INPP4B: variants seen among roughly 807,000 people sequenced by gnomAD.
INPP4B encodes the protein inositol polyphosphate-4-phosphatase type II B, also known as inositol polyphosphate 4-phosphatase type II.
A neutral mutation model predicts 122.5 loss-of-function variants in INPP4B; 55 were observed. The ratio of observed to expected loss-of-function variants is 0.45; its 90% confidence interval spans 0.36 to 0.56. The LOEUF (loss-of-function observed/expected upper bound fraction) is 0.56. Ranked by LOEUF, INPP4B falls within the 20% of genes least tolerant of loss-of-function variation. INPP4B has a pLI of 0.00. For synonymous variants in INPP4B, 403 were observed against 388.7 expected, an observed-to-expected ratio of 1.04 and a Z score of -0.43; for missense variants, 1,000 against 1,097.7, an observed-to-expected ratio of 0.91 and a Z score of 1.26.
chr4:142,784,087 G>T (rs1282103791), intron 1 of INPP4B, among the ~76,000 whole-genome samples: 2 of 152,138 alleles, frequency 1.3e-5, no homozygotes, highest in East Asian at 3.8e-4. Context: ...ATGTGGCCAG[G>T]CACAGTGGCT....
At chr4:142,434,325 T>A (rs1186158903) in intron 3 of INPP4B, among the ~76,000 whole-genome samples, 1 of 152,120 alleles carries the variant, frequency 6.6e-6, no homozygotes, top group Non-Finnish European at 1.5e-5. Context: ...CAGGGAGTGG[T>A]GCTCCTCTCT....
intron 15 of INPP4B, among the ~76,000 whole-genome samples, chr4:142,181,609 C>T (rs1342051721): frequency 2.6e-5 from 4 of 152,076 alleles, no homozygotes; most frequent in Non-Finnish European, 2.9e-5. Context: ...TCAACTTTAG[C>T]GATGCAGAAT....
At chr4:142,662,978 T>A (rs115458145) in intron 2 of INPP4B, among the ~76,000 whole-genome samples, 1,718 of 152,260 alleles carry the variant, frequency 0.011, 31 homozygotes, top group African/African-American at 0.031. Context: ...AACATTTAAT[T>A]AATATTAATA....
intron 7 of INPP4B, among the ~76,000 whole-genome samples, chr4:142,343,288 T>A (rs1290188729): frequency 2.6e-5 from 4 of 152,170 alleles, no homozygotes; most frequent in Non-Finnish European, 5.9e-5. Context: ...ATATTCTGAC[T>A]GGTAAATTAC....
At chr4:142,440,236 T>C (rs1490080688) in intron 3 of INPP4B, among the ~76,000 whole-genome samples, 1 of 152,104 alleles carries the variant, frequency 6.6e-6, no homozygotes, top group East Asian at 1.9e-4. Context: ...TAGGAGGAAA[T>C]CAAATGAATA....
At chr4:142,172,488 T>A (rs1367560329) in intron 16 of INPP4B, among the ~76,000 whole-genome samples, 1 of 151,964 alleles carries the variant, frequency 6.6e-6, no homozygotes, top group African/African-American at 2.4e-5. Flanking sequence ...GACAGAGGCA[T>A]GTGTTCTGGC....
intron 2 of INPP4B, among the ~76,000 whole-genome samples, chr4:142,499,921 G>GTAATACAA (rs1560727839): frequency 6.6e-6 from 1 of 151,956 alleles, no homozygotes; most frequent in East Asian, 1.9e-4. Context: ...CTATCACTCC[G>GTAATACAA]TAATACAACC....
chr4:142,166,859 G>A (rs1251518512), intron 16 of INPP4B, among the ~76,000 whole-genome samples: 1 of 151,918 alleles, frequency 6.6e-6, no homozygotes, highest in East Asian at 1.9e-4. Flanking sequence ...ATGCCAGTCA[G>A]AATGGTGAGT....
At chr4:142,042,522 GTATGTATGTATGTATGTATGTA>G (rs1560914518) in intron 25 of INPP4B, among the ~76,000 whole-genome samples, 4 of 36,900 alleles carry the variant, frequency 1.1e-4, no homozygotes, top group Non-Finnish European at 1.7e-4. Context: ...GTGTGTGTAT[GTATGTATGTATGTATGTATGTA>G]TGTATGTATG....
chr4:142,553,286 C>T (rs1220835707), intron 2 of INPP4B, among the ~76,000 whole-genome samples: 2 of 152,328 alleles, frequency 1.3e-5, no homozygotes, highest in Non-Finnish European at 2.9e-5. Context: ...TCCACATTCC[C>T]ACTCTCTTTT....
intron 2 of INPP4B, among the ~76,000 whole-genome samples, chr4:142,721,806 G>A (rs1009243665): frequency 6.6e-6 from 1 of 152,176 alleles, no homozygotes; most frequent in Non-Finnish European, 1.5e-5. Context: ...GGGTGACAGA[G>A]AGAGACTCCG....
chr4:142,444,872 T>C (rs1295391321), intron 3 of INPP4B, among the ~76,000 whole-genome samples: 1 of 152,058 alleles, frequency 6.6e-6, no homozygotes, highest in Non-Finnish European at 1.5e-5. Flanking sequence ...TGCAGGGATA[T>C]GGACGAAGCT....
At chr4:142,706,602 G>C (rs1305373339) in intron 2 of INPP4B, among the ~76,000 whole-genome samples, 1 of 152,188 alleles carries the variant, frequency 6.6e-6, no homozygotes, top group Non-Finnish European at 1.5e-5. Context: ...CCATTAAGCT[G>C]CAATCATCCT....
chr4:142,283,765 A>G (rs1000209668), intron 9 of INPP4B, among the ~76,000 whole-genome samples: 1 of 152,172 alleles, frequency 6.6e-6, no homozygotes, highest in African/African-American at 2.4e-5. Context: ...GATGCATCGC[A>G]TATAGGAATC....
chr4:142,277,278 T>C (rs1489614397), intron 9 of INPP4B, among the ~76,000 whole-genome samples: 3 of 116,760 alleles, frequency 2.6e-5, no homozygotes, highest in African/African-American at 8.4e-5. Flanking sequence ...TCTCCCACTC[T>C]ATGGGTTGTC....
Position 142,299,160 on chromosome 4 carries a change from T to C in INPP4B, c.503+6298A>G, listed in dbSNP as rs934132496. Among the ~76,000 whole-genome samples the C allele has an allele frequency of 1.9e-4, 28 of 144,466 alleles. No homozygotes were observed. In the East Asian group the frequency reaches 2.0e-3, roughly 10 times the overall value. 94.8% of individuals were successfully genotyped at this position (144,466 alleles called of 152,430 possible). Reference sequence around the variant, plus strand: ...TCACTTTTTTTTTCTTTCTTTCTTTTTTTTTTTTTGGGGGGGAGACAGAGT... The same window carrying C: ...TCACTTTTTTTTTCTTTCTTTCTTTCTTTTTTTTTGGGGGGGAGACAGAGT... On this transcript the variant is annotated intron_variant, in intron 9 of 25. Coordinates refer to ENST00000262992, the MANE Select transcript of INPP4B (RefSeq NM_001101669.3).
chr4:142,680,844 G>A (rs1028668660), intron 2 of INPP4B, among the ~76,000 whole-genome samples: 2 of 151,796 alleles, frequency 1.3e-5, no homozygotes, highest in Non-Finnish European at 1.5e-5. Flanking sequence ...CTGATTAGGT[G>A]GCCATAGTTC....
intron 2 of INPP4B, among the ~76,000 whole-genome samples, chr4:142,682,273 C>T (rs1758728636): frequency 6.6e-6 from 1 of 151,794 alleles, no homozygotes; most frequent in Non-Finnish European, 1.5e-5. Context: ...CTCCCTCTCT[C>T]TCCCTCTCTC....
intron 2 of INPP4B, among the ~76,000 whole-genome samples, chr4:142,622,308 C>A (rs1745128865): frequency 1.3e-5 from 2 of 151,240 alleles, no homozygotes; most frequent in African/African-American, 2.4e-5. Context: ...CGATGTGAAT[C>A]AACAGTAAAA....
Sources: gnomAD v4.1 joint callset for allele counts (sites outside exome capture counted in the v4.1 genomes callset) on GRCh38, gnomAD v4.1.1 for gene constraint, MANE v1.5 for transcripts, NCBI Gene and HGNC (gene_info 2026-07-23, HGNC 2026-07-21) for gene names.